The following TBC1D32 variants were observed in gnomAD, a reference collection of about 807,000 sequenced individuals.
TBC1D32 encodes protein broad-minded.
In TBC1D32, 151 loss-of-function variants were observed where a neutral mutation model predicts 170.3. The observed-to-expected ratio is 0.89, with a 90% CI of 0.78 to 1.01. The LOEUF is 1.01. Ranked by LOEUF, TBC1D32 falls within the 50% of genes least tolerant of loss-of-function variation. The pLI is 0.00. For synonymous variants in TBC1D32, 498 were observed against 488.0 expected, an observed-to-expected ratio of 1.02 and a Z score of -0.27; for missense variants, 1,464 against 1,457.1, an observed-to-expected ratio of 1.00 and a Z score of -0.08.
rs377127077 is a variant in TBC1D32 at position 121,334,433 on chromosome 6, T to C, written c.-3A>G. ...TCCTCGCTGGAGAAATGGGCCATCC[T>C]GTTGGAATCAAACGTCCACTCTCAT... is the stretch of plus-strand genomic sequence containing the variant. On this transcript the variant is annotated 5_prime_UTR_variant, in exon 1 of 32. Transcript: ENST00000398212. 2.5e-4 allele frequency: 398 copies of C among 1,612,994 alleles called. No homozygotes were observed. The highest frequency in any genetic ancestry group is 1.3e-3 in the Admixed American group (75 of 59,842).
chr6:121,330,151 A>T (rs899197644), intron 1 of TBC1D32, among the ~76,000 whole-genome samples: 1 of 152,122 alleles, frequency 6.6e-6, no homozygotes. Context: ...CTCCCACCTC[A>T]GCTTTCTGAG....
At chr6:121,186,821 T>C (rs576649349) in intron 22 of TBC1D32, among the ~76,000 whole-genome samples, 1 of 152,078 alleles carries the variant, frequency 6.6e-6, no homozygotes, top group South Asian at 2.1e-4. Flanking sequence ...GTAAGGCCAT[T>C]TTTGTTGTGG....
Position 121,131,751 on chromosome 6 carries a change from G to A in TBC1D32, c.2775C>T (p.Asp925=), listed in dbSNP as rs150710532. 22,962 of 1,579,282 alleles carry A rather than the reference G, an allele frequency of 0.015. 208 individuals carry two copies. Among genetic ancestry groups the A allele is most frequent in the Middle Eastern group, 0.027 (160 of 5,978 alleles). ...DITRNAGIKQ[D]NDLDKLLLCL... is the part of the protein sequence containing the mutation. ...ATAATAAAAGCTTGTCAAGATCATT[G>A]TCTAATCAGAAAGATAACATACTAT... The change falls in exon 25 of 32, where the codon GAC becomes GAT. Residue 925 remains aspartate, a splice_region_variant and synonymous_variant. Transcript: ENST00000398212.
At chr6:121,218,062 T>G (rs575366116) in intron 21 of TBC1D32, among the ~76,000 whole-genome samples, 1 of 152,288 alleles carries the variant, frequency 6.6e-6, no homozygotes, top group East Asian at 1.9e-4. Context: ...CATTGTCTGG[T>G]AGGGTTCTAA....
intron 2 of TBC1D32, among the ~76,000 whole-genome samples, chr6:121,319,985 C>A (rs1041191978): frequency 2.0e-5 from 3 of 151,972 alleles, no homozygotes; most frequent in African/African-American, 7.2e-5. Flanking sequence ...AAAACCACAT[C>A]AATTAACAAT....
chr6:121,210,846 C>T (rs1583229065), intron 21 of TBC1D32, among the ~76,000 whole-genome samples: 1 of 152,268 alleles, frequency 6.6e-6, no homozygotes, highest in East Asian at 1.9e-4. Flanking sequence ...GAGTAGCCTC[C>T]AGAAACTACA....
Position 121,089,766 on chromosome 6 carries a change from C to T in TBC1D32, c.3654+1087G>A, listed in dbSNP as rs180892792. On this transcript the variant is annotated intron_variant, in intron 31 of 31. Transcript: ENST00000398212. ...AAATATCGTTAAATGGAAAATAACCCTGGCAGGTATTTAATGGTAAAAAAT... is the reference window on the plus strand; with the variant it reads ...AAATATCGTTAAATGGAAAATAACCTTGGCAGGTATTTAATGGTAAAAAAT... Among the ~76,000 whole-genome samples the T allele has an allele frequency of 2.6e-5, 4 of 152,118 alleles. No homozygotes were observed. In the East Asian group the frequency reaches 5.8e-4, roughly 22 times the overall value.
chr6:121,128,617 T>G (rs1380139547), intron 25 of TBC1D32, among the ~76,000 whole-genome samples: 1 of 152,202 alleles, frequency 6.6e-6, no homozygotes, highest in Non-Finnish European at 1.5e-5. Context: ...TTTTAAATTA[T>G]GGGCCTTCTC....
At chr6:121,220,892 C>T (rs528050910) in intron 21 of TBC1D32, among the ~76,000 whole-genome samples, 3 of 152,040 alleles carry the variant, frequency 2.0e-5, no homozygotes, top group South Asian at 2.1e-4. Context: ...CTCCCCACCT[C>T]GGCCTCCCAA....
intron 30 of TBC1D32, among the ~76,000 whole-genome samples, chr6:121,091,712 G>C (rs929990867): frequency 6.6e-6 from 1 of 152,060 alleles, no homozygotes; most frequent in Non-Finnish European, 1.5e-5. Flanking sequence ...ATAAATACTG[G>C]AAACATTTTG....
At position 121,160,935 on chromosome 6, in the gene TBC1D32, G is replaced by A. The variant is rs778231777; in HGVS notation, c.2679+13C>T. ...AGAAAAACACATCCCACTTCTCTTT[G>A]CCCCACACTCACCTTTTCGAGTAAC... On this transcript the variant is annotated intron_variant, in intron 23 of 31. Transcript: ENST00000398212. 12 of 1,601,548 alleles carry A rather than the reference G, an allele frequency of 7.5e-6. No individual in the cohort carries two copies. The South Asian group carries it at 1.1e-4, about 15-fold the overall frequency.
chr6:121,249,456 T>C (rs1326854914), intron 17 of TBC1D32, among the ~76,000 whole-genome samples: 1 of 151,834 alleles, frequency 6.6e-6, no homozygotes, highest in African/African-American at 2.4e-5. Context: ...GCACTAGAAG[T>C]TCTAGCCAGA....
chr6:121,085,756 A>G (rs189567454), intron 31 of TBC1D32, among the ~76,000 whole-genome samples: 1 of 152,198 alleles, frequency 6.6e-6, no homozygotes, highest in African/African-American at 2.4e-5. Flanking sequence ...AATTCTGGAT[A>G]GAATGTGAAG....
chr6:121,220,252 A>G (rs1305524042), intron 21 of TBC1D32, among the ~76,000 whole-genome samples: 1 of 152,224 alleles, frequency 6.6e-6, no homozygotes, highest in Non-Finnish European at 1.5e-5. Context: ...TGTGCATGCA[A>G]AGAAAAAGTT....
chr6:121,198,584 T>A (rs1235402725), intron 22 of TBC1D32, among the ~76,000 whole-genome samples: 2 of 150,552 alleles, frequency 1.3e-5, no homozygotes. Flanking sequence ...ACCCTGTCTC[T>A]ACTGAAAATA....
At chr6:121,109,412 G>A (rs1460093180) in intron 29 of TBC1D32, among the ~76,000 whole-genome samples, 1 of 152,026 alleles carries the variant, frequency 6.6e-6, no homozygotes, top group Non-Finnish European at 1.5e-5. Context: ...AAATACTCTG[G>A]TTTTTATTTC....
At chr6:121,175,598 T>A (rs1252857693) in intron 22 of TBC1D32, among the ~76,000 whole-genome samples, 1 of 152,176 alleles carries the variant, frequency 6.6e-6, no homozygotes, top group Non-Finnish European at 1.5e-5. Flanking sequence ...CATATAATCA[T>A]CGGAACAGAT....
intron 24 of TBC1D32, among the ~76,000 whole-genome samples, chr6:121,147,480 G>A (rs1783613992): frequency 1.3e-5 from 2 of 152,106 alleles, no homozygotes; most frequent in Admixed American, 6.6e-5. Context: ...GCCAACATCT[G>A]TTATTTTTTG....
chr6:121,317,469 C>T (rs752460255), intron 3 of TBC1D32, 26 bp downstream of exon 3: 6 of 1,481,168 alleles, frequency 4.1e-6, no homozygotes, highest in Non-Finnish European at 5.4e-6. Flanking sequence ...CATTTCAAGA[C>T]ATAAATGCAA....
Sources: gnomAD v4.1 joint callset for allele counts (sites outside exome capture counted in the v4.1 genomes callset) on GRCh38, gnomAD v4.1.1 for gene constraint, MANE v1.5 for transcripts, NCBI Gene and HGNC (gene_info 2026-07-23, HGNC 2026-07-21) for gene names.